Variants in CDH12 observed in about 807,000 individuals in gnomAD.
The protein encoded by CDH12 is cadherin 12, also known as cadherin-12.
CDH12 carries 41 observed loss-of-function variants against 74.1 expected under a neutral mutation model. That is an observed-to-expected ratio of 0.55 (90% CI 0.43 to 0.72). The LOEUF (loss-of-function observed/expected upper bound fraction) is 0.72. CDH12 is among the 30% of genes least tolerant of loss of function. The pLI, the probability that CDH12 is intolerant of heterozygous loss-of-function variation, is 0.00. For missense variants in CDH12, 945 were observed against 977.2 expected, an observed-to-expected ratio of 0.97 and a Z score of 0.44; for synonymous variants, 399 against 355.0, an observed-to-expected ratio of 1.12 and a Z score of -1.39.
At chr5:22,727,368 A>T (rs1391948585) in intron 1 of CDH12, among the ~76,000 whole-genome samples, 1 of 151,694 alleles carries the variant, frequency 6.6e-6, no homozygotes, top group Non-Finnish European at 1.5e-5. Context: ...TACTCCTTCT[A>T]TCTTATTATT....
intron 4 of CDH12, among the ~76,000 whole-genome samples, chr5:22,211,150 AT>A: frequency 6.6e-6 from 1 of 152,316 alleles, no homozygotes; most frequent in South Asian, 2.1e-4. Flanking sequence ...TGACATCTTT[AT>A]AAAATGTCCC....
intron 1 of CDH12, among the ~76,000 whole-genome samples, chr5:22,542,214 G>C (rs1370634863): frequency 3.3e-5 from 5 of 152,158 alleles, no homozygotes; most frequent in Admixed American, 3.3e-4. Context: ...CTAGCGTTAA[G>C]TTCTGGTGTT....
At chr5:22,643,655 A>G (rs1427176079) in intron 1 of CDH12, among the ~76,000 whole-genome samples, 1 of 151,532 alleles carries the variant, frequency 6.6e-6, no homozygotes, top group Non-Finnish European at 1.5e-5. Context: ...CAGTCTAAGA[A>G]TTGAAATAGC....
chr5:22,322,240 G>A (rs1738914418), intron 3 of CDH12, among the ~76,000 whole-genome samples: 1 of 151,986 alleles, frequency 6.6e-6, no homozygotes, highest in Admixed American at 6.6e-5. Flanking sequence ...TTCTCAAAAG[G>A]CACCAGCTTA....
intron 3 of CDH12, among the ~76,000 whole-genome samples, chr5:22,333,052 A>G (rs1349637473): frequency 1.8e-4 from 28 of 152,322 alleles, no homozygotes. Context: ...AATAACAAAT[A>G]CATGGAACCC....
chr5:22,825,982 A>G (rs73052208), intron 1 of CDH12, among the ~76,000 whole-genome samples: 1,540 of 152,316 alleles, frequency 0.01, 22 homozygotes, highest in African/African-American at 0.035. Context: ...ACCAGTAAGC[A>G]TATAAGTTCT....
chr5:22,328,588 A>C (rs1739219869), intron 3 of CDH12, among the ~76,000 whole-genome samples: 1 of 152,244 alleles, frequency 6.6e-6, no homozygotes, highest in Admixed American at 6.5e-5. Context: ...ACTAAGAATC[A>C]GAAAAGTGGT....
chr5:22,349,784 G>C (rs1263631620), intron 3 of CDH12, among the ~76,000 whole-genome samples: 4 of 152,128 alleles, frequency 2.6e-5, no homozygotes, highest in Non-Finnish European at 4.4e-5. Flanking sequence ...GCCCAGGCTG[G>C]AGTGCAGTGG....
Position 21,751,875 on chromosome 5 carries a change from C to A in CDH12, c.2247G>T (p.Glu749Asp), listed in dbSNP as rs765346551. ...YAYEGSGSVA[E>D]SLSSIDSLTT... ...TGAGAGAGTCTATAGAGCTGAGGGA[C>A]TCTGCCACGGACCCACTCCCTTCGT... The change falls in exon 15 of 15, where the codon GAG becomes GAT. Residue 749 changes from glutamate (E) to aspartate (D), a missense_variant. Transcript: ENST00000382254. The A allele has an allele frequency of 4.3e-6, 7 of 1,613,912 alleles. No individual in the cohort carries two copies. Among genetic ancestry groups the A allele is most frequent in the Non-Finnish European group, 5.9e-6 (7 of 1,180,030 alleles).
chr5:22,557,364 C>CT (rs1398928530), intron 1 of CDH12, among the ~76,000 whole-genome samples: 2 of 152,022 alleles, frequency 1.3e-5, no homozygotes, highest in African/African-American at 4.8e-5. Context: ...ATTGGGAACT[C>CT]TGAGAGGCCA....
intron 1 of CDH12, among the ~76,000 whole-genome samples, chr5:22,764,579 T>C (rs1215189299): frequency 2.6e-5 from 4 of 152,014 alleles, no homozygotes; most frequent in South Asian, 2.1e-4. Flanking sequence ...TCCACGTAGA[T>C]TGCTTATTAA....
intron 4 of CDH12, among the ~76,000 whole-genome samples, chr5:22,088,562 A>C (rs1743212578): frequency 6.6e-6 from 1 of 152,170 alleles, no homozygotes; most frequent in Non-Finnish European, 1.5e-5. Flanking sequence ...TGAGGGTCCC[A>C]ACTCCCAGTG....
chr5:22,298,653 C>G (rs181310455), intron 3 of CDH12, among the ~76,000 whole-genome samples: 1 of 152,140 alleles, frequency 6.6e-6, no homozygotes, highest in Non-Finnish European at 1.5e-5. Flanking sequence ...TCACTATTCT[C>G]ATTCACACCA....
chr5:22,785,559 A>G (rs145289169), intron 1 of CDH12, among the ~76,000 whole-genome samples: 1 of 152,070 alleles, frequency 6.6e-6, no homozygotes. Context: ...TCACTCTGTC[A>G]TCCATTCTTG....
intron 1 of CDH12, among the ~76,000 whole-genome samples, chr5:22,721,662 T>C (rs1186360420): frequency 2.0e-5 from 3 of 152,118 alleles, no homozygotes; most frequent in Non-Finnish European, 4.4e-5. Flanking sequence ...CAGAATGATA[T>C]GGTTTGTCTC....
intron 1 of CDH12, among the ~76,000 whole-genome samples, chr5:22,617,297 C>T (rs1380552072): frequency 1.3e-5 from 2 of 152,014 alleles, no homozygotes; most frequent in African/African-American, 4.8e-5. Flanking sequence ...TGGAATTGGC[C>T]TGCACCTTGA....
chr5:22,602,335 C>T (rs74612258), intron 1 of CDH12, among the ~76,000 whole-genome samples: 7 of 152,110 alleles, frequency 4.6e-5, no homozygotes, highest in East Asian at 1.9e-4. Context: ...AGTTTAACCA[C>T]GTGAAATAAA....
intron 4 of CDH12, among the ~76,000 whole-genome samples, chr5:22,085,717 A>G (rs369925701): frequency 3.3e-5 from 5 of 152,346 alleles, no homozygotes. Flanking sequence ...CAATGGCAGC[A>G]TAACTTACGT....
chr5:22,747,607 C>CAAAA (rs34948688), intron 1 of CDH12, among the ~76,000 whole-genome samples: 2 of 110,862 alleles, frequency 1.8e-5, no homozygotes, highest in African/African-American at 7.4e-5. Flanking sequence ...GAGACGCTGC[C>CAAAA]AAAAAAAAAA....
Sources: allele counts gnomAD v4.1 joint callset (sites outside exome capture counted in the v4.1 genomes callset), GRCh38; gene constraint gnomAD v4.1.1; transcripts MANE v1.5; gene names NCBI Gene and HGNC (gene_info 2026-07-23, HGNC 2026-07-21).